The following LMF1 variants were observed in gnomAD, a reference collection of about 807,000 sequenced individuals.
The protein encoded by LMF1 is lipase maturation factor 1.
In LMF1, 68 loss-of-function variants were observed where a neutral mutation model predicts 60.6. That is an observed-to-expected ratio of 1.12 (90% CI 0.92 to 1.37). The LOEUF (loss-of-function observed/expected upper bound fraction) is 1.37. Ranked by LOEUF, LMF1 falls within the 40% of genes most tolerant of loss-of-function variation. The probability of loss-of-function intolerance (pLI) is 0.00; values close to 1 mark genes in which losing one functional copy is unlikely to be tolerated. For missense variants in LMF1, 948 were observed against 767.2 expected, an observed-to-expected ratio of 1.24 and a Z score of -2.78; for synonymous variants, 418 against 324.7, an observed-to-expected ratio of 1.29 and a Z score of -3.09.
intron 3 of LMF1, among the ~76,000 whole-genome samples, chr16:928,113 G>T (rs1359135384): frequency 2.0e-5 from 3 of 152,204 alleles, no homozygotes; most frequent in Admixed American, 6.5e-5. Context: ...CCCAACGCTG[G>T]GACAGCCTGG....
At chr16:891,470 GC>G (rs943297502) in intron 5 of LMF1, among the ~76,000 whole-genome samples, 4 of 152,264 alleles carry the variant, frequency 2.6e-5, no homozygotes, top group African/African-American at 9.6e-5. Context: ...GTCCTCACCA[GC>G]ACGCAGCCTT....
chr16:962,217 G>A lies in LMF1; in HGVS notation c.194-7551C>T, dbSNP rs1446525692. On this transcript the variant is annotated intron_variant, in intron 1 of 10. Transcript: ENST00000262301. This position sits in a 1 kb window ranked among gnomAD's most constrained non-coding sequence, Gnocchi z 4.5. Reference sequence around the variant, plus strand: ...GATCACGACCCAGACACAGACTCACGGTGACAGCATGGGATCACGACCCAG... The same window carrying A: ...GATCACGACCCAGACACAGACTCACAGTGACAGCATGGGATCACGACCCAG... Among the ~76,000 whole-genome samples, 3 of 138,082 alleles carry A rather than the reference G, an allele frequency of 2.2e-5. No homozygotes were observed. In the Admixed American group the frequency reaches 2.2e-4, roughly 10 times the overall value. The allele number at this position is 138,082 out of a possible 152,430, so 90.6% of individuals were successfully genotyped here.
At chr16:938,496 A>C (rs1271478633) in intron 2 of LMF1, among the ~76,000 whole-genome samples, 3 of 152,238 alleles carry the variant, frequency 2.0e-5, no homozygotes, top group Non-Finnish European at 4.4e-5. Context: ...CAGTGAGGCA[A>C]CTGGTTCACT....
Position 897,982 on chromosome 16 carries a change from G to C in LMF1, c.664-4910C>G, listed in dbSNP as rs141787127. Among the ~76,000 whole-genome samples the C allele has an allele frequency of 6.6e-6, 1 of 152,360 alleles. No individual in the cohort carries two copies. The highest frequency in any genetic ancestry group is 2.4e-5 in the African/African-American group (1 of 41,590). ...TGTACATGGCAGGCATCCTCTGCGT[G>C]GTGGGCGCCTTCTGCGTGGCGGGCG... is the stretch of plus-strand genomic sequence containing the variant. On this transcript the variant is annotated intron_variant, in intron 4 of 10. Transcript: ENST00000262301. This position sits in a 1 kb window ranked among gnomAD's most constrained non-coding sequence, Gnocchi z 4.3.
intron 3 of LMF1, chr16:932,986 C>T (rs1000840790): frequency 6.6e-6 from 1 of 151,432 alleles, no homozygotes; most frequent in Non-Finnish European, 1.5e-5. Flanking sequence ...CACTCTGCTC[C>T]CTTGATGCAG....
chr16:879,437 G>T (rs2070094550), intron 6 of LMF1, 133 bp downstream of exon 6: 3 of 1,054,222 alleles, frequency 2.8e-6, no homozygotes. Flanking sequence ...ACGAAGGCTG[G>T]GGAGGACAGG....
intron 3 of LMF1, among the ~76,000 whole-genome samples, chr16:914,834 TC>T (rs377117100): frequency 7.4e-5 from 1 of 13,470 alleles, no homozygotes; most frequent in Admixed American, 1.1e-3. Context: ...TCTCCCTCTC[TC>T]CCATGACCAT....
chr16:954,774 G>A, intron 1 of LMF1, 108 bp from the exon 2 acceptor site: 5 of 1,045,940 alleles, frequency 4.8e-6, no homozygotes, highest in Non-Finnish European at 6.8e-6. Context: ...GGGAGGCAGA[G>A]TCTGGCTGAC....
chr16:855,983 C>T (rs1567129463), intron 10 of LMF1: 3 of 455,936 alleles, frequency 6.6e-6, no homozygotes, highest in African/African-American at 2.0e-5. Flanking sequence ...ATTCTTCTCT[C>T]CCCAAGTCTG....
At chr16:912,533 G>C (rs868360252) in intron 3 of LMF1, among the ~76,000 whole-genome samples, 4 of 152,212 alleles carry the variant, frequency 2.6e-5, no homozygotes, top group African/African-American at 9.6e-5. Flanking sequence ...GCAGATCGGC[G>C]TGAGTGGAGG....
intron 3 of LMF1, among the ~76,000 whole-genome samples, chr16:929,621 CG>C (rs2071712354): frequency 6.6e-6 from 1 of 152,234 alleles, no homozygotes; most frequent in African/African-American, 2.4e-5. Flanking sequence ...CGCTGCAGGG[CG>C]GCAGGAAGCG....
intron 3 of LMF1, chr16:931,628 A>C (rs1463331149): frequency 3.9e-6 from 5 of 1,285,654 alleles, no homozygotes; most frequent in Non-Finnish European, 5.1e-6. Context: ...GAGGCCCAGC[A>C]CCCGGAGTCA....
intron 1 of LMF1, chr16:976,979 T>A: frequency 2.2e-6 from 1 of 453,786 alleles, no homozygotes; most frequent in Non-Finnish European, 4.4e-6. Flanking sequence ...CTGGAAATGC[T>A]CGTCCTCCGT....
intron 1 of LMF1, among the ~76,000 whole-genome samples, chr16:978,109 A>C (rs1567350793): frequency 7.6e-6 from 1 of 131,524 alleles, no homozygotes; most frequent in Admixed American, 7.5e-5. Context: ...ACACACACAC[A>C]CCACACACCA....
intron 4 of LMF1, chr16:899,156 C>G (rs920917355): frequency 1.3e-5 from 2 of 152,260 alleles, no homozygotes; most frequent in Non-Finnish European, 2.9e-5. Flanking sequence ...GAGGCTGATG[C>G]GCTTCAGCCG....
intron 3 of LMF1, among the ~76,000 whole-genome samples, chr16:922,546 G>A (rs949462861): frequency 4.0e-5 from 6 of 150,974 alleles, no homozygotes; most frequent in African/African-American, 7.3e-5. Flanking sequence ...GGTGTGATGT[G>A]GTGTTGGTGT....
chr16:927,385 C>T (rs538644707), intron 3 of LMF1, among the ~76,000 whole-genome samples: 147 of 152,324 alleles, frequency 9.7e-4, no homozygotes, highest in African/African-American at 3.1e-3. Context: ...TCTGGAACCA[C>T]GCTCTACAGG....
chr16:935,385 C>G lies in LMF1; in HGVS notation c.504-1131G>C, dbSNP rs139403294. ...GCTGGGATGACAGGTGTGAACTGCC[C>G]CAGCCAGAATGTTTTCAACGTGGTG... On this transcript the variant is annotated intron_variant, in intron 2 of 10. Transcript: ENST00000262301. 8.3e-3 allele frequency among the ~76,000 whole-genome samples: 1,256 copies of G among 152,160 alleles called. 24 individuals are homozygous for G. Among genetic ancestry groups the G allele is most frequent in the African/African-American group, 0.029 (1,195 of 41,488 alleles).
At position 897,274 on chromosome 16, in the gene LMF1, C is replaced by T. The variant is rs2070692227; in HGVS notation, c.664-4202G>A. On this transcript the variant is annotated intron_variant, in intron 4 of 10. Transcript: ENST00000262301. The surrounding 1 kb of genome is among the most constrained non-coding windows in gnomAD (Gnocchi z 4.3). ...GACACTCTGTGGAGACCCCGCTTCT[C>T]TCACTTGGCCCCCAGAGGCCGCCAT... 6.6e-6 allele frequency among the ~76,000 whole-genome samples: 1 copy of T among 152,224 alleles called. No individual in the cohort carries two copies. Among genetic ancestry groups the T allele is most frequent in the Admixed American group, 6.5e-5 (1 of 15,290 alleles).
Sources: gnomAD v4.1 joint callset for allele counts (sites outside exome capture counted in the v4.1 genomes callset) on GRCh38, gnomAD v4.1.1 for gene constraint, Gnocchi (gnomAD v3.1) non-coding constraint, MANE v1.5 for transcripts, NCBI Gene and HGNC (gene_info 2026-07-23, HGNC 2026-07-21) for gene names.